The following RGS8 variants were observed in gnomAD, a reference collection of about 807,000 sequenced individuals.
RGS8 encodes regulator of G protein signaling 8, also known as regulator of G-protein signaling 8.
In RGS8, 8 loss-of-function variants were observed where a neutral mutation model predicts 21.7. The ratio of observed to expected loss-of-function variants is 0.37; its 90% CI spans 0.22 to 0.66. RGS8 has a LOEUF of 0.66. Among genes scored for constraint, RGS8 ranks in the 30% least tolerant of loss-of-function variants. RGS8 has a pLI of 0.59. For synonymous variants in RGS8, 80 were observed against 83.6 expected, an observed-to-expected ratio of 0.96 and a Z score of 0.24; for missense variants, 157 against 217.9, an observed-to-expected ratio of 0.72 and a Z score of 1.76.
At chr1:182,723,714 C>T in the RGS8 span, among the ~76,000 whole-genome samples, 1 of 152,026 alleles carries the variant, frequency 6.6e-6, no homozygotes, top group Non-Finnish European at 1.5e-5. Context: ...TTGGAGGCTG[C>T]CTACTGCAAA....
chr1:182,650,103 G>C (rs1160562435), intron 5 of RGS8, among the ~76,000 whole-genome samples: 1 of 149,662 alleles, frequency 6.7e-6, no homozygotes, highest in African/African-American at 2.6e-5. Flanking sequence ...ATAGAGACAG[G>C]GTTTCACCAT....
chr1:182,692,741 G>A, the RGS8 span, among the ~76,000 whole-genome samples: 5,423 of 140,746 alleles, frequency 0.039, 129 homozygotes, highest in Admixed American at 0.048. Flanking sequence ...GTACAAGGCC[G>A]CAGTAAATAA....
chr1:182,714,536 G>A, the RGS8 span: 5 of 152,108 alleles, frequency 3.3e-5, no homozygotes, highest in Non-Finnish European at 7.4e-5. Flanking sequence ...TATGGTCCTG[G>A]AAGAAAAAGA....
intron 3 of RGS8, among the ~76,000 whole-genome samples, chr1:182,668,824 C>T (rs775044352): frequency 3.3e-5 from 5 of 152,212 alleles, no homozygotes; most frequent in African/African-American, 1.2e-4. Flanking sequence ...GCACGCCTTG[C>T]GAGCAGCTGA....
the RGS8 span, among the ~76,000 whole-genome samples, chr1:182,716,412 C>T: frequency 6.6e-6 from 1 of 151,952 alleles, no homozygotes; most frequent in African/African-American, 2.4e-5. Flanking sequence ...AGGTGTGAGC[C>T]ACCACACCTG....
the RGS8 span, among the ~76,000 whole-genome samples, chr1:182,729,907 T>C: frequency 6.6e-5 from 10 of 152,162 alleles, no homozygotes; most frequent in Non-Finnish European, 2.9e-5. Context: ...AGGGCACATA[T>C]GCAAAGGAGA....
chr1:182,708,282 A>C, the RGS8 span, among the ~76,000 whole-genome samples: 1 of 152,156 alleles, frequency 6.6e-6, no homozygotes, highest in Non-Finnish European at 1.5e-5. Context: ...TCATCCCTTC[A>C]CAATGTGACC....
chr1:182,734,900 T>G, the RGS8 span: 1 of 152,230 alleles, frequency 6.6e-6, no homozygotes, highest in Non-Finnish European at 1.5e-5. Flanking sequence ...TTTTCCAGTA[T>G]CCACATTAAA....
chr1:182,685,219 G>A (rs184265963), upstream of RGS8, among the ~76,000 whole-genome samples: 3 of 152,328 alleles, frequency 2.0e-5, no homozygotes, highest in Non-Finnish European at 4.4e-5. Flanking sequence ...GCCAGAGGGT[G>A]GTGGTGGCAA....
At chr1:182,644,268 G>A (rs1016531351), downstream of RGS8, 3 of 152,258 alleles carry the variant, frequency 2.0e-5, no homozygotes, top group African/African-American at 4.8e-5. Flanking sequence ...GGCATACAAG[G>A]TATGAGGAAA....
the RGS8 span, chr1:182,714,199 C>T: frequency 6.6e-6 from 1 of 152,332 alleles, no homozygotes; most frequent in East Asian, 1.9e-4. Flanking sequence ...TAGTAAATGA[C>T]ATCACCCCAG....
chr1:182,721,212 A>G, the RGS8 span, among the ~76,000 whole-genome samples: 1 of 151,782 alleles, frequency 6.6e-6, no homozygotes, highest in African/African-American at 2.4e-5. Context: ...TACTCGATAA[A>G]TATTTATTTA....
the RGS8 span, among the ~76,000 whole-genome samples, chr1:182,705,545 C>CAA: frequency 2.0e-5 from 3 of 151,074 alleles, no homozygotes; most frequent in African/African-American, 4.9e-5. Context: ...TTTTTTATAG[C>CAA]TACTTTATCT....
At chr1:182,686,848 T>C (rs1664723464), upstream of RGS8, among the ~76,000 whole-genome samples, 1 of 151,584 alleles carries the variant, frequency 6.6e-6, no homozygotes, top group East Asian at 1.9e-4. Context: ...AGTGACTACA[T>C]TTACAGGAGG....
the RGS8 span, among the ~76,000 whole-genome samples, chr1:182,692,625 A>G: frequency 1.3e-5 from 2 of 151,728 alleles, no homozygotes; most frequent in African/African-American, 4.8e-5. Context: ...AAAAATTCTA[A>G]AATTCAATTT....
chr1:182,650,666 G>GC (rs1662966323), intron 5 of RGS8, among the ~76,000 whole-genome samples: 1 of 152,166 alleles, frequency 6.6e-6, no homozygotes, highest in Non-Finnish European at 1.5e-5. Flanking sequence ...TTCGAGACCA[G>GC]CCTGGGCAAC....
intron 5 of RGS8, among the ~76,000 whole-genome samples, chr1:182,655,181 A>T (rs560159020): frequency 6.6e-6 from 1 of 152,362 alleles, no homozygotes; most frequent in East Asian, 1.9e-4. Flanking sequence ...AGGATGCTAA[A>T]CTGCAAAGCC....
At chr1:182,644,161 CTT>C (rs1438309838), downstream of RGS8, 1 of 152,264 alleles carries the variant, frequency 6.6e-6, no homozygotes, top group East Asian at 1.9e-4. Context: ...AAACATTTCT[CTT>C]TGTTTCATCA....
the RGS8 span, among the ~76,000 whole-genome samples, chr1:182,716,692 T>C: frequency 6.6e-6 from 1 of 152,146 alleles, no homozygotes; most frequent in Non-Finnish European, 1.5e-5. Context: ...AGCCTGAGTT[T>C]AAACCATGAT....
Sources: gnomAD v4.1 joint callset for allele counts (sites outside exome capture counted in the v4.1 genomes callset) on GRCh38, gnomAD v4.1.1 for gene constraint, MANE v1.5 for transcripts, NCBI Gene and HGNC (gene_info 2026-07-23, HGNC 2026-07-21) for gene names.